Variants in CYP3A43 observed in about 807,000 individuals in gnomAD.
CYP3A43 encodes cytochrome P450 family 3 subfamily A member 43, also known as cytochrome P450 3A43.
CYP3A43 carries 45 observed loss-of-function variants against 58.0 expected under a neutral mutation model. That is an observed-to-expected ratio of 0.78 (90% CI 0.61 to 0.99). The LOEUF (loss-of-function observed/expected upper bound fraction) is 0.99, where lower values mean the gene tolerates loss of function less well. CYP3A43 is among the 50% of genes least tolerant of loss of function. CYP3A43 has a pLI of 0.00. For missense variants in CYP3A43, 593 were observed against 591.9 expected (o/e 1.00, Z -0.02); for synonymous variants, 191 against 201.4 (o/e 0.95, Z 0.44).
chr7:99,861,907 A>C lies in CYP3A43; in HGVS notation c.1253+68A>C, dbSNP rs1417087833. 1.5e-5 allele frequency: 21 copies of C among 1,357,660 alleles called. No individual in the cohort carries two copies. The Admixed American group carries it at 4.2e-4, about 27-fold the overall frequency. The allele number at this position is 1,357,660 out of a possible 1,614,324, so 84.1% of individuals were successfully genotyped here. ...ATTCAAGTATATTCTGCCTCTCTCG[A>C]TGCACATGGCAATCATTTGAATATG... On this transcript the variant is annotated intron_variant, in intron 11 of 12. Transcript: ENST00000354829.
At chr7:99,856,693 G>T (rs1817993012) in intron 8 of CYP3A43, 140 bp from the exon 9 acceptor site, 2 of 771,022 alleles carry the variant, frequency 2.6e-6, no homozygotes, top group Non-Finnish European at 4.4e-6. Context: ...TCTAAACATT[G>T]GTGACTCAGG....
Position 99,849,716 on chromosome 7 carries a change from TTCTCTCTC to T in CYP3A43, c.670+35_670+42del, listed in dbSNP as rs45550031. The T allele has an allele frequency of 1.9e-3, 2,860 of 1,500,534 alleles. 44 individuals are homozygous for T. In the African/African-American group the frequency reaches 0.034, roughly 18 times the overall value. The allele number at this position is 1,500,534 out of a possible 1,614,324, so 93.0% of individuals were successfully genotyped here. The stretch of plus-strand genomic sequence containing the variant: ...ATATGTATGTGGACTTTTATGTTAT[TTCTCTCTC>T]TCTCTCTCTCTCATCTAATTTTTAA... On this transcript the variant is annotated intron_variant, in intron 7 of 12. Coordinates refer to ENST00000354829, the MANE Select transcript of CYP3A43 (RefSeq NM_057095.3).
intron 4 of CYP3A43, among the ~76,000 whole-genome samples, chr7:99,844,857 T>C (rs1044110768): frequency 6.6e-6 from 1 of 152,010 alleles, no homozygotes; most frequent in African/African-American, 2.4e-5. Context: ...GATCACGAGG[T>C]CAGGAGATCA....
intron 2 of CYP3A43, among the ~76,000 whole-genome samples, chr7:99,837,331 A>AAAG (rs1554442624): frequency 2.0e-5 from 3 of 151,338 alleles, no homozygotes; most frequent in African/African-American, 7.3e-5. Flanking sequence ...AAAAAAAAAA[A>AAAG]AAAAGAAAAG....
At chr7:99,863,339 T>C (rs1818314597) in intron 11 of CYP3A43, among the ~76,000 whole-genome samples, 198 bp from the exon 12 acceptor site, 1 of 152,216 alleles carries the variant, frequency 6.6e-6, no homozygotes, top group African/African-American at 2.4e-5. Context: ...TATTGAGGAA[T>C]CAAATTTGAA....
chr7:99,830,011 C>G (rs146145243), intron 1 of CYP3A43, among the ~76,000 whole-genome samples: 1 of 152,274 alleles, frequency 6.6e-6, no homozygotes, highest in African/African-American at 2.4e-5. Context: ...AAATATGGCA[C>G]TTAAGCATGT....
Position 99,861,608 on chromosome 7 carries a change from C to T in CYP3A43, c.1027-5C>T. ...ATTTATCCAAATCTGTTTCTTTCTT[C>T]CCAGGCACCTGTCACCTACGATGCC... On this transcript the variant is annotated splice_polypyrimidine_tract_variant and splice_region_variant and intron_variant, in intron 10 of 12. Transcript: ENST00000354829. The T allele has an allele frequency of 1.2e-6, 2 of 1,612,794 alleles. No individual in the cohort carries two copies. Among genetic ancestry groups the T allele is most frequent in the Non-Finnish European group, 1.7e-6 (2 of 1,179,192 alleles).
Position 99,863,635 on chromosome 7 carries a change from A to T in CYP3A43, c.1352A>T (p.Asn451Ile). The change falls in exon 12 of 13, where the codon AAC becomes ATC. Residue 451 changes from asparagine (N) to isoleucine (I), a missense_variant. Coordinates refer to ENST00000354829, the MANE Select transcript of CYP3A43 (RefSeq NM_057095.3). ...ATTGGCATGAGGTTTGCTCTCACAAACATAAAACTTGCTGTCATTAGAGCA... is the reference window on the plus strand; with the variant it reads ...ATTGGCATGAGGTTTGCTCTCACAATCATAAAACTTGCTGTCATTAGAGCA... ...NCIGMRFALTNIKLAVIRALQ... is the reference protein window; with the variant it reads ...NCIGMRFALTIIKLAVIRALQ... The T allele has an allele frequency of 6.2e-7, 1 of 1,614,024 alleles. No homozygotes were observed. Among genetic ancestry groups the T allele is most frequent in the Non-Finnish European group, 8.5e-7 (1 of 1,179,944 alleles).
At chr7:99,858,738 G>C (rs962142891) in intron 9 of CYP3A43, among the ~76,000 whole-genome samples, 2 of 151,318 alleles carry the variant, frequency 1.3e-5, no homozygotes, top group Non-Finnish European at 2.9e-5. Context: ...TGTCACCCAG[G>C]CTGGAGTGAA....
chr7:99,856,786 C>T lies in CYP3A43; in HGVS notation c.799-47C>T, dbSNP rs975713022. On this transcript the variant is annotated intron_variant, in intron 8 of 12. Transcript: ENST00000354829. ...GACTGGACTCCTGATTCACTTCTGA[C>T]TTCACAAGTGACTTTCTGTCATTAA... is the stretch of plus-strand genomic sequence containing the variant. 7 of 1,603,666 alleles carry T rather than the reference C, an allele frequency of 4.4e-6. No homozygotes were observed. In the Middle Eastern group the frequency reaches 5.0e-4, roughly 114 times the overall value.
intron 7 of CYP3A43, chr7:99,850,003 G>T (rs1277774415): frequency 9.1e-6 from 4 of 440,864 alleles, no homozygotes; most frequent in Non-Finnish European, 1.3e-5. Flanking sequence ...TGTTGCCTAG[G>T]CCGGAGTGCA....
chr7:99,851,178 A>G (rs1209850331), intron 7 of CYP3A43, among the ~76,000 whole-genome samples: 1 of 152,002 alleles, frequency 6.6e-6, no homozygotes, highest in Non-Finnish European at 1.5e-5. Flanking sequence ...AAAAAAAGAT[A>G]TGCTGCATTT....
chr7:99,850,219 T>A (rs1584224295), intron 7 of CYP3A43: 1 of 247,036 alleles, frequency 4.0e-6, no homozygotes, highest in East Asian at 1.3e-4. Context: ...CCTCCCAAAG[T>A]GCTGGGATTA....
intron 3 of CYP3A43, 34 bp from the exon 4 acceptor site, chr7:99,844,109 C>A (rs767649684): frequency 6.5e-7 from 1 of 1,548,042 alleles, no homozygotes; most frequent in Non-Finnish European, 8.8e-7. Flanking sequence ...ATCAGGCAAG[C>A]GAGGTTTAGT....
At chr7:99,830,493 G>A (rs907341656) in intron 1 of CYP3A43, among the ~76,000 whole-genome samples, 2 of 150,888 alleles carry the variant, frequency 1.3e-5, no homozygotes, top group African/African-American at 4.9e-5. Flanking sequence ...ACTCTAGCCT[G>A]AACAACAAGA....
chr7:99,829,885 C>T (rs373407096), intron 1 of CYP3A43, among the ~76,000 whole-genome samples: 5 of 152,234 alleles, frequency 3.3e-5, no homozygotes, highest in African/African-American at 4.8e-5. Context: ...TGATTCCTTG[C>T]GACTCAGCTA....
At chr7:99,860,120 G>A (rs1818171442) in intron 10 of CYP3A43, 130 bp downstream of exon 10, 1 of 1,159,444 alleles carries the variant, frequency 8.6e-7, no homozygotes, top group Non-Finnish European at 1.2e-6. Context: ...TATGCAGAAA[G>A]GCTGTAAAGA....
chr7:99,832,587 GC>G (rs1406436334), intron 1 of CYP3A43, among the ~76,000 whole-genome samples: 3 of 151,202 alleles, frequency 2.0e-5, no homozygotes, highest in African/African-American at 4.9e-5. Context: ...TATACCTAAT[GC>G]TAAATGATGA....
intron 4 of CYP3A43, 94 bp downstream of exon 4, chr7:99,844,336 C>A: frequency 1.7e-6 from 2 of 1,192,238 alleles, no homozygotes; most frequent in Non-Finnish European, 2.4e-6. Flanking sequence ...CAGGAAAGTG[C>A]TTTATACTTC....
Sources: gnomAD v4.1 joint callset for allele counts (sites outside exome capture counted in the v4.1 genomes callset) on GRCh38, gnomAD v4.1.1 for gene constraint, MANE v1.5 for transcripts, NCBI Gene and HGNC (gene_info 2026-07-23, HGNC 2026-07-21) for gene names.